Variants in DBF4B observed in about 807,000 individuals in gnomAD.
DBF4B encodes the protein protein DBF4 homolog B.
In DBF4B, 49 loss-of-function variants were observed where a neutral mutation model predicts 53.4. The observed-to-expected ratio is 0.92, with a 90% CI of 0.73 to 1.16. The LOEUF is 1.16. Among genes scored for constraint, DBF4B ranks in the 50% most tolerant of loss-of-function variants. The pLI is 0.00. For synonymous variants in DBF4B, 257 were observed against 288.7 expected, an observed-to-expected ratio of 0.89 and a Z score of 1.11; for missense variants, 692 against 775.0, an observed-to-expected ratio of 0.89 and a Z score of 1.27.
intron 10 of DBF4B, 140 bp from the exon 11 acceptor site, chr17:44,746,943 C>A (rs1173202267): frequency 1.4e-6 from 1 of 718,778 alleles, no homozygotes; most frequent in African/African-American, 1.8e-5. Flanking sequence ...TCAGGGAAGG[C>A]CTGCCTGCCG....
At chr17:44,708,874 A>G in intron 1 of DBF4B, 35 bp downstream of exon 1, 1 of 1,549,714 alleles carries the variant, frequency 6.5e-7, no homozygotes, top group South Asian at 1.2e-5. Flanking sequence ...AGAAAGGCGG[A>G]AGGGGTCGTT....
chr17:44,751,693 C>T lies in DBF4B; in HGVS notation c.*440C>T. 2.1e-6 allele frequency: 3 copies of T among 1,428,100 alleles called. No individual in the cohort carries two copies. Among genetic ancestry groups the T allele is most frequent in the Non-Finnish European group, 2.7e-6 (3 of 1,093,644 alleles). The allele number at this position is 1,428,100 out of a possible 1,614,324, so 88.5% of individuals were successfully genotyped here. A position where few individuals can be genotyped will look rare whatever the true frequency, so the allele number is the denominator to read the frequency against. On this transcript the variant is annotated 3_prime_UTR_variant, in exon 14 of 14. Coordinates refer to ENST00000315005, the MANE Select transcript of DBF4B (RefSeq NM_145663.3). ...TCTGGCTCCTTCCTGCGGTCTATAC[C>T]TACCGCCTCCTCTTCACCTCCTTCC...
rs763537723 is a variant in DBF4B at position 44,749,786 on chromosome 17, C to A, written c.1190-809C>A. On this transcript the variant is annotated intron_variant, in intron 13 of 13. Transcript: ENST00000315005. The surrounding 1 kb of genome is among the most constrained non-coding windows in gnomAD (Gnocchi z 4.4). ...AGGCCCTTGCCTCTCTGCAGAGCCG[C>A]GGGTTAGCTGTTGGTGTGCTCCACC... The A allele has an allele frequency of 3.5e-5, 37 of 1,069,686 alleles. No homozygotes were observed. The highest frequency in any genetic ancestry group is 8.2e-5 in the African/African-American group (5 of 60,682). 66.3% of individuals were successfully genotyped at this position (1,069,686 alleles called of 1,614,324 possible). A position where few individuals can be genotyped will look rare whatever the true frequency, so the allele number is the denominator to read the frequency against.
Position 44,709,310 on chromosome 17 carries a change from A to T in DBF4B, c.26A>T (p.Asp9Val). The change falls in exon 2 of 14, where the codon GAT becomes GTT. Residue 9 changes from aspartate (D) to valine (V), a missense_variant. Physicochemically the swap from Asp to Val is radical, Grantham distance 152. This residue lies in a region of DBF4B where 66 missense variants were observed against 51.3 expected (regional missense o/e 1.29). Transcript: ENST00000315005. Reference sequence around the variant, plus strand: ...CTGTTATGTCCTTTCTCAGGAGACGATTGCCTCGAGCTGGAGAGTTCCATG... The same window carrying T: ...CTGTTATGTCCTTTCTCAGGAGACGTTTGCCTCGAGCTGGAGAGTTCCATG... The part of the protein sequence containing the change: MSEPGKGD[D>V]CLELESSMAE... 1 of 1,613,982 alleles carries T rather than the reference A, an allele frequency of 6.2e-7. No homozygotes were observed. The highest frequency in any genetic ancestry group is 8.5e-7 in the Non-Finnish European group (1 of 1,179,992).
intron 10 of DBF4B, among the ~76,000 whole-genome samples, chr17:44,745,479 G>A (rs1976500686): frequency 6.6e-6 from 1 of 152,204 alleles, no homozygotes; most frequent in African/African-American, 2.4e-5. Context: ...ATGATGGAAG[G>A]CAAAGGGGAA....
intron 4 of DBF4B, among the ~76,000 whole-genome samples, 162 bp from the exon 5 acceptor site, chr17:44,730,803 C>T (rs138606359): frequency 1.4e-4 from 21 of 152,308 alleles, no homozygotes; most frequent in South Asian, 1.2e-3. Flanking sequence ...ACCTCCTAAA[C>T]GTTTTCTAGG....
intron 3 of DBF4B, among the ~76,000 whole-genome samples, chr17:44,725,684 C>CTTCTTTTTTTTTTTTTTTTTTTTTTTTT (rs777349094): frequency 1.1e-5 from 1 of 87,662 alleles, no homozygotes; most frequent in Admixed American, 1.1e-4. Context: ...TTTTGTGCTT[C>CTTCTTTTTTTTTTTTTTTTTTTTTTTTT]TTTTTTTTTT....
At chr17:44,710,417 ATTT>A (rs890510696) in intron 2 of DBF4B, among the ~76,000 whole-genome samples, 1 of 151,550 alleles carries the variant, frequency 6.6e-6, no homozygotes, top group African/African-American at 2.4e-5. Flanking sequence ...ATTTAAGTCA[ATTT>A]TTTTTCCTTC....
chr17:44,711,702 A>G (rs1018872831), intron 2 of DBF4B, among the ~76,000 whole-genome samples: 2 of 152,008 alleles, frequency 1.3e-5, no homozygotes, highest in African/African-American at 4.8e-5. Flanking sequence ...TAATCCCAGC[A>G]CTTTGGGAGG....
At chr17:44,712,639 C>T (rs1242940021) in intron 2 of DBF4B, among the ~76,000 whole-genome samples, 1 of 151,794 alleles carries the variant, frequency 6.6e-6, no homozygotes, top group African/African-American at 2.4e-5. Flanking sequence ...TGGGGTTTTA[C>T]CATGTTAGCC....
chr17:44,749,387 C>T lies in DBF4B; in HGVS notation c.1189+922C>T, dbSNP rs1385645599. The T allele has an allele frequency of 1.4e-5, 18 of 1,289,354 alleles. No homozygotes were observed. The highest frequency in any genetic ancestry group is 1.8e-5 in the Non-Finnish European group (18 of 988,878). 79.9% of individuals were successfully genotyped at this position (1,289,354 alleles called of 1,614,324 possible). A position where few individuals can be genotyped will look rare whatever the true frequency, so the allele number is the denominator to read the frequency against. On this transcript the variant is annotated intron_variant, in intron 13 of 13. Transcript: ENST00000315005. This position sits in a 1 kb window ranked among gnomAD's most constrained non-coding sequence, Gnocchi z 4.4. Reference sequence around the variant, plus strand: ...AGGGCCACAGATACAACTTACTCCTCTGCTGGGTGCTGCACACCCGGCCAG... The same window carrying T: ...AGGGCCACAGATACAACTTACTCCTTTGCTGGGTGCTGCACACCCGGCCAG...
chr17:44,743,410 A>G (rs976329604), intron 10 of DBF4B, among the ~76,000 whole-genome samples: 29 of 152,216 alleles, frequency 1.9e-4, no homozygotes, highest in African/African-American at 6.3e-4. Context: ...TTTGTGTTAC[A>G]AATGGTTTAA....
intron 9 of DBF4B, among the ~76,000 whole-genome samples, chr17:44,738,813 C>T (rs1030150119): frequency 6.6e-6 from 1 of 152,174 alleles, no homozygotes; most frequent in African/African-American, 2.4e-5. Context: ...TAGTATAGTC[C>T]AAGACATCAT....
intron 9 of DBF4B, among the ~76,000 whole-genome samples, chr17:44,739,054 G>T (rs1226502570): frequency 6.6e-6 from 1 of 152,152 alleles, no homozygotes; most frequent in Non-Finnish European, 1.5e-5. Flanking sequence ...ATAAATTGCA[G>T]CCTAAGGCTA....
At chr17:44,723,088 G>A in intron 3 of DBF4B, 66 bp downstream of exon 3, 1 of 1,587,852 alleles carries the variant, frequency 6.3e-7, no homozygotes, top group Non-Finnish European at 8.6e-7. Flanking sequence ...GAGTTGGATG[G>A]GGATTATATC....
At chr17:44,714,166 T>A (rs1017408778) in intron 2 of DBF4B, among the ~76,000 whole-genome samples, 5 of 151,924 alleles carry the variant, frequency 3.3e-5, no homozygotes, top group African/African-American at 1.2e-4. Flanking sequence ...ACTTTGGGGA[T>A]TTGATGAGGG....
chr17:44,741,189 G>A, intron 9 of DBF4B, 147 bp from the exon 10 acceptor site: 2 of 645,412 alleles, frequency 3.1e-6, no homozygotes, highest in South Asian at 3.5e-5. Flanking sequence ...AACCTAGAAA[G>A]GCTGATGAGT....
Position 44,751,692 on chromosome 17 carries a change from C to G in DBF4B, c.*439C>G. ...CTCTGGCTCCTTCCTGCGGTCTATA[C>G]CTACCGCCTCCTCTTCACCTCCTTC... On this transcript the variant is annotated 3_prime_UTR_variant, in exon 14 of 14. Coordinates refer to ENST00000315005, the MANE Select transcript of DBF4B (RefSeq NM_145663.3). 1 of 1,427,392 alleles carries G rather than the reference C, an allele frequency of 7.0e-7. No homozygotes were observed. Among genetic ancestry groups the G allele is most frequent in the Non-Finnish European group, 9.1e-7 (1 of 1,093,290 alleles). 88.4% of individuals were successfully genotyped at this position (1,427,392 alleles called of 1,614,324 possible).
intron 12 of DBF4B, 38 bp from the exon 13 acceptor site, chr17:44,748,303 G>A: frequency 6.4e-7 from 1 of 1,556,462 alleles, no homozygotes; most frequent in Non-Finnish European, 8.7e-7. Flanking sequence ...CTGCTGTGAA[G>A]TTGAAACCTG....
Sources: gnomAD v4.1 joint callset for allele counts (sites outside exome capture counted in the v4.1 genomes callset) on GRCh38, gnomAD v4.1.1 for gene constraint, gnomAD v4.1.1 regional missense constraint, Gnocchi (gnomAD v3.1) non-coding constraint, MANE v1.5 for transcripts, NCBI Gene and HGNC (gene_info 2026-07-23, HGNC 2026-07-21) for gene names.